Variants in CBLN2 observed in about 807,000 individuals in gnomAD.
The protein encoded by CBLN2 is cerebellin 2 precursor.
CBLN2 carries 7 observed loss-of-function variants against 15.0 expected under a neutral mutation model. That is an observed-to-expected ratio of 0.47 (90% CI 0.27 to 0.88). The LOEUF is 0.88. Ranked by LOEUF, CBLN2 falls within the 40% of genes least tolerant of loss-of-function variation. The probability of loss-of-function intolerance (pLI) is 0.14; values close to 1 mark genes in which losing one functional copy is unlikely to be tolerated. For synonymous variants in CBLN2, 149 were observed against 135.2 expected, an observed-to-expected ratio of 1.10 and a Z score of -0.71; for missense variants, 242 against 304.5, an observed-to-expected ratio of 0.79 and a Z score of 1.53.
At chr18:72,618,614 A>C (rs2069678908) in intron 1 of CBLN2, 1 of 964,134 alleles carries the variant, frequency 1.0e-6, no homozygotes. Flanking sequence ...GAAGACACTG[A>C]AGAACATCAC....
intron 1 of CBLN2, among the ~76,000 whole-genome samples, chr18:72,597,391 A>G (rs953481072): frequency 1.3e-5 from 2 of 152,214 alleles, no homozygotes; most frequent in African/African-American, 4.8e-5. Flanking sequence ...GCCTGAACAA[A>G]CAGAGTCTCT....
At chr18:72,622,515 A>C (rs1183588410) in intron 1 of CBLN2, among the ~76,000 whole-genome samples, 1 of 152,070 alleles carries the variant, frequency 6.6e-6, no homozygotes, top group Non-Finnish European at 1.5e-5. Flanking sequence ...TGAAAACTAG[A>C]AAGGAGAGGA....
At chr18:72,598,670 C>T (rs1449660653) in intron 1 of CBLN2, among the ~76,000 whole-genome samples, 5 of 152,200 alleles carry the variant, frequency 3.3e-5, no homozygotes, top group Non-Finnish European at 5.9e-5. Flanking sequence ...CTTTCTAGTT[C>T]GTTTCAGAAC....
intron 1 of CBLN2, among the ~76,000 whole-genome samples, chr18:72,552,353 G>A (rs1484498693): frequency 6.6e-6 from 1 of 151,868 alleles, no homozygotes; most frequent in Non-Finnish European, 1.5e-5. Context: ...CAAAATGCCA[G>A]GATTACAGGC....
At chr18:72,574,055 A>G (rs1472684986) in intron 1 of CBLN2, among the ~76,000 whole-genome samples, 1 of 152,138 alleles carries the variant, frequency 6.6e-6, no homozygotes, top group Non-Finnish European at 1.5e-5. Context: ...GCCTCTTTTC[A>G]TATCCCTATT....
Position 72,537,111 on chromosome 18 carries a change from C to T in CBLN2, c.*1065G>A, listed in dbSNP as rs1419943978. On this transcript the variant is annotated 3_prime_UTR_variant, in exon 5 of 5. Transcript: ENST00000269503. ...AGGTGGATCCAAATAAATTAAATCACCCACAGAGAAGTCACAGCACACGTG... is the reference window on the plus strand; with the variant it reads ...AGGTGGATCCAAATAAATTAAATCATCCACAGAGAAGTCACAGCACACGTG... The T allele has an allele frequency of 6.6e-6, 1 of 152,124 alleles. No individual in the cohort carries two copies. The highest frequency in any genetic ancestry group is 1.5e-5 in the Non-Finnish European group (1 of 68,044). The allele number at this position is 152,124 out of a possible 1,614,324, so 9.4% of individuals were successfully genotyped here.
In CBLN2 at chr18:72,612,992, C is replaced by A. The variant is rs189999540; in HGVS notation, c.15+25333G>T. On this transcript the variant is annotated intron_variant, in intron 1 of 2. Transcript: ENST00000581073. ...GGAGAATCTTTTCCAGGCCTTGCCC[C>A]GCAGATTCTGGCAATTTTCCAGCAC... is the stretch of plus-strand genomic sequence containing the variant. Among the ~76,000 whole-genome samples the A allele has an allele frequency of 2.3e-3, 344 of 152,244 alleles. 2 individuals carry two copies. The highest frequency in any genetic ancestry group is 7.8e-3 in the African/African-American group (323 of 41,544).
chr18:72,614,833 T>C (rs1423179004), intron 1 of CBLN2, among the ~76,000 whole-genome samples: 4 of 151,872 alleles, frequency 2.6e-5, no homozygotes, highest in African/African-American at 7.2e-5. Context: ...ATGAAATTGT[T>C]TCAGGAAGAT....
At chr18:72,581,930 A>T (rs981939072) in intron 1 of CBLN2, among the ~76,000 whole-genome samples, 1 of 152,168 alleles carries the variant, frequency 6.6e-6, no homozygotes, top group Non-Finnish European at 1.5e-5. Context: ...CTTCTGTCCA[A>T]TATGCAATAA....
At chr18:72,631,579 T>A (rs1004817024) in intron 1 of CBLN2, among the ~76,000 whole-genome samples, 2 of 152,144 alleles carry the variant, frequency 1.3e-5, no homozygotes, top group Non-Finnish European at 2.9e-5. Context: ...ACATCAGTAT[T>A]TCTAAAGGAA....
At chr18:72,613,311 C>T (rs1013688914) in intron 1 of CBLN2, among the ~76,000 whole-genome samples, 1 of 152,116 alleles carries the variant, frequency 6.6e-6, no homozygotes, top group African/African-American at 2.4e-5. Context: ...GTAGGTCTCT[C>T]TATAGTGCCC....
chr18:72,588,389 G>T (rs1182986205), intron 1 of CBLN2, among the ~76,000 whole-genome samples: 1 of 152,180 alleles, frequency 6.6e-6, no homozygotes, highest in African/African-American at 2.4e-5. Flanking sequence ...GGTGAAATTT[G>T]TATAACATGA....
At position 72,586,060 on chromosome 18, in the gene CBLN2, G is replaced by C. The variant is rs575932457; in HGVS notation, c.16-47288C>G. 9.4e-4 allele frequency among the ~76,000 whole-genome samples: 143 copies of C among 152,272 alleles called. 1 individual carries two copies. Among genetic ancestry groups the C allele is most frequent in the Admixed American group, 3.3e-3 (51 of 15,308 alleles). On this transcript the variant is annotated intron_variant, in intron 1 of 2. Coordinates refer to the CBLN2 transcript ENST00000581073. ...TACCCAGGTCTGCAGCTGCAGCTGG[G>C]TGGCTGCAGCTGTGCCTGGGAGGGC... is the stretch of plus-strand genomic sequence containing the variant.
intron 1 of CBLN2, among the ~76,000 whole-genome samples, chr18:72,603,162 C>T (rs555010456): frequency 6.6e-4 from 101 of 152,346 alleles, no homozygotes; most frequent in African/African-American, 2.4e-3. Flanking sequence ...TTTCTTTGTC[C>T]TCTTATTTAC....
chr18:72,563,966 G>T (rs1181076700), intron 1 of CBLN2, among the ~76,000 whole-genome samples: 1 of 152,166 alleles, frequency 6.6e-6, no homozygotes, highest in Middle Eastern at 3.2e-3. Flanking sequence ...ACGTTCTAAA[G>T]AAATTGCATT....
intron 3 of CBLN2, among the ~76,000 whole-genome samples, chr18:72,541,099 ATAAGT>A (rs1240893153): frequency 6.6e-6 from 1 of 152,280 alleles, no homozygotes; most frequent in Admixed American, 6.5e-5. Context: ...ACCAAATGGC[ATAAGT>A]TAAGTGGCTT....
At chr18:72,548,400 T>C (rs1426871013), upstream of CBLN2, among the ~76,000 whole-genome samples, 1 of 152,230 alleles carries the variant, frequency 6.6e-6, no homozygotes, top group Admixed American at 6.5e-5. Context: ...ATCTTGAGAC[T>C]ACTCTTTGAA....
At chr18:72,611,597 T>G (rs1035932121) in intron 1 of CBLN2, among the ~76,000 whole-genome samples, 8 of 152,216 alleles carry the variant, frequency 5.3e-5, no homozygotes, top group African/African-American at 1.7e-4. Context: ...GGTATTTGTT[T>G]TTGCTTGTTC....
chr18:72,601,080 C>G (rs76610733), intron 1 of CBLN2, among the ~76,000 whole-genome samples: 12,124 of 152,216 alleles, frequency 0.08, 507 homozygotes, highest in East Asian at 0.13. Flanking sequence ...ATGCCTATAT[C>G]TTAATAGAAT....
Sources: allele counts gnomAD v4.1 joint callset (sites outside exome capture counted in the v4.1 genomes callset), GRCh38; gene constraint gnomAD v4.1.1; transcripts MANE v1.5; gene names NCBI Gene and HGNC (gene_info 2026-07-23, HGNC 2026-07-21).